Variants in NUAK2 observed in about 807,000 individuals in gnomAD.
NUAK2 encodes the protein NUAK family SNF1-like kinase 2.
A neutral mutation model predicts 29.8 loss-of-function variants in NUAK2; 20 were observed. The observed-to-expected ratio is 0.67, with a 90% CI of 0.47 to 0.98. NUAK2 has a LOEUF of 0.98. NUAK2 is among the 50% of genes least tolerant of loss of function. The probability of loss-of-function intolerance (pLI) is 0.00; values close to 1 mark genes in which losing one functional copy is unlikely to be tolerated. For missense variants in NUAK2, 719 were observed against 834.5 expected (o/e 0.86, Z 1.71); for synonymous variants, 331 against 342.6 (o/e 0.97, Z 0.37).
rs1662134677 is a variant in NUAK2 at position 205,304,012 on chromosome 1, A to G, written c.1325T>C (p.Leu442Pro). The change falls in exon 7 of 7, where the codon CTG becomes CCG. Residue 442 changes from leucine to proline, a missense_variant. Around this residue, in one of 3 missense-constraint regions of NUAK2, gnomAD observed 430 missense variants for 465.7 expected, o/e 0.92. Transcript: ENST00000367157. The surrounding 1 kb of genome is among the most constrained non-coding windows in gnomAD (Gnocchi z 6.5). ...IPASPGQAAPLLPKKGILKKP... is the reference protein window; with the variant it reads ...IPASPGQAAPPLPKKGILKKP... ...CTTGAGAATGCCCTTCTTGGGGAGC[A>G]GGGGGGCAGCCTGCCCTGGGCTCGC... The G allele has an allele frequency of 1.9e-6, 3 of 1,613,854 alleles. No homozygotes were observed. Among genetic ancestry groups the G allele is most frequent in the Non-Finnish European group, 8.5e-7 (1 of 1,179,882 alleles).
chr1:205,312,392 G>A (rs1160452177), intron 1 of NUAK2, among the ~76,000 whole-genome samples: 2 of 152,178 alleles, frequency 1.3e-5, no homozygotes, highest in Admixed American at 6.5e-5. Context: ...AAGTGGATTC[G>A]ACTACTGGCC....
At chr1:205,307,012 G>A (rs1175557995) in intron 4 of NUAK2, among the ~76,000 whole-genome samples, 1 of 152,160 alleles carries the variant, frequency 6.6e-6, no homozygotes, top group Non-Finnish European at 1.5e-5. Flanking sequence ...CAATAATGAG[G>A]GCAGAACAAA....
rs778382167 is a variant in NUAK2 at position 205,321,658 on chromosome 1, G to A, written c.-30C>T. ...AGCAGGAGGTGAGCAAGGGCGGCAG[G>A]GGAATCAGTAGGCTGTGCGGGGAGG... On this transcript the variant is annotated 5_prime_UTR_variant, in exon 1 of 7. Transcript: ENST00000367157. 1.3e-6 allele frequency: 2 copies of A among 1,583,052 alleles called. No individual in the cohort carries two copies. The highest frequency in any genetic ancestry group is 1.7e-6 in the Non-Finnish European group (2 of 1,165,558).
At chr1:205,316,792 T>C (rs1662334196) in intron 1 of NUAK2, among the ~76,000 whole-genome samples, 1 of 152,186 alleles carries the variant, frequency 6.6e-6, no homozygotes, top group African/African-American at 2.4e-5. Context: ...TTGAGCATAA[T>C]TTCTGATTCT....
chr1:205,304,481 C>A lies in NUAK2; in HGVS notation c.856G>T (p.Val286Leu). ...ACGLIRWLLMVNPTRRATLED... is the reference protein window; with the variant it reads ...ACGLIRWLLMLNPTRRATLED... ...AGGGTGGCCCGGCGGGTGGGGTTCA[C>A]CATCAACAGCCACCGGATCAGGCCA... is the stretch of plus-strand genomic sequence containing the variant. Residue 286 changes from valine (V) to leucine (L), a missense_variant, in exon 7 of 7, where the codon GTG becomes TTG. By Grantham distance (32) the Val-to-Leu change is conservative (BLOSUM62 1). Around this residue, in one of 3 missense-constraint regions of NUAK2, gnomAD observed 430 missense variants for 465.7 expected, o/e 0.92. Transcript: ENST00000367157. The surrounding 1 kb of genome is among the most constrained non-coding windows in gnomAD (Gnocchi z 6.5). 6.6e-7 allele frequency: 1 copy of A among 1,519,142 alleles called. No homozygotes were observed. The highest frequency in any genetic ancestry group is 1.3e-5 in the South Asian group (1 of 75,934). The allele number at this position is 1,519,142 out of a possible 1,614,324, so 94.1% of individuals were successfully genotyped here.
Position 205,306,258 on chromosome 1 carries a change from T to C in NUAK2, c.620A>G (p.Gln207Arg). The part of the protein sequence containing the change: ...SNLYHQGKFL[Q>R]TFCGSPLYAS... ...ATAGAGGGGGCTCCCACAGAATGTC[T>C]GCAGGAACTTGCCTTGATGGTAGAG... is the stretch of plus-strand genomic sequence containing the variant. Residue 207 changes from glutamine (Q) to arginine (R), a missense_variant, in exon 5 of 7, where the codon CAG becomes CGG. Gln to Arg is a conservative substitution (Grantham distance 43). Transcript: ENST00000367157. 6.2e-7 allele frequency: 1 copy of C among 1,614,018 alleles called. No individual in the cohort carries two copies. The highest frequency in any genetic ancestry group is 8.5e-7 in the Non-Finnish European group (1 of 1,179,946).
rs1433380471 is a variant in NUAK2 at position 205,321,389 on chromosome 1, C to G, written c.231+9G>C. On this transcript the variant is annotated intron_variant, in intron 1 of 6. Coordinates refer to ENST00000367157, the MANE Select transcript of NUAK2 (RefSeq NM_030952.3). Reference sequence around the variant, plus strand: ...CCCGCCCCGCGCCGCGAGAGGGAGCCGCACTCACCAGGCGCCCCGAGCTCT... The same window carrying G: ...CCCGCCCCGCGCCGCGAGAGGGAGCGGCACTCACCAGGCGCCCCGAGCTCT... The G allele has an allele frequency of 4.3e-6, 7 of 1,610,824 alleles. No homozygotes were observed. Among genetic ancestry groups the G allele is most frequent in the Non-Finnish European group, 5.9e-6 (7 of 1,178,440 alleles).
At position 205,321,361 on chromosome 1, in the gene NUAK2, G is replaced by A. The variant is rs3738747; in HGVS notation, c.231+37C>T. The A allele has an allele frequency of 6.4e-6, 10 of 1,567,806 alleles. No individual in the cohort carries two copies. In the East Asian group the frequency reaches 2.3e-4, roughly 36 times the overall value. ...CCGCTCCCTGCCGGCGGCCAAGCCG[G>A]AGCCCGCCCCGCGCCGCGAGAGGGA... On this transcript the variant is annotated intron_variant, in intron 1 of 6. Coordinates refer to ENST00000367157, the MANE Select transcript of NUAK2 (RefSeq NM_030952.3).
At chr1:205,316,988 C>T (rs2102259462) in intron 1 of NUAK2, among the ~76,000 whole-genome samples, 1 of 152,302 alleles carries the variant, frequency 6.6e-6, no homozygotes, top group Admixed American at 6.5e-5. Context: ...GGAGAAGCTT[C>T]CATCTCAGCC....
rs765807541 is a variant in NUAK2 at position 205,304,495 on chromosome 1, C to T, written c.842G>A (p.Arg281Gln). 34 of 1,514,462 alleles carry T rather than the reference C, an allele frequency of 2.2e-5. No homozygotes were observed. Among genetic ancestry groups the T allele is most frequent in the South Asian group, 1.5e-4 (11 of 75,178 alleles). The allele number at this position is 1,514,462 out of a possible 1,614,324, so 93.8% of individuals were successfully genotyped here. A position where few individuals can be genotyped will look rare whatever the true frequency, so the allele number is the denominator to read the frequency against. Reference sequence around the variant, plus strand: ...GGTGGGGTTCACCATCAACAGCCACCGGATCAGGCCACAGGCATCTGGAAG... The same window carrying T: ...GGTGGGGTTCACCATCAACAGCCACTGGATCAGGCCACAGGCATCTGGAAG... ...PKPSDACGLI[R>Q]WLLMVNPTRR... Residue 281 changes from arginine to glutamine, a missense_variant, in exon 7 of 7, where the codon CGG (arginine) becomes CAG (glutamine). Transcript: ENST00000367157. The surrounding 1 kb of genome is among the most constrained non-coding windows in gnomAD (Gnocchi z 6.5).
rs752932851 is a variant in NUAK2 at position 205,308,598 on chromosome 1, C to T, written c.487G>A (p.Val163Met). ...GTGCTCACCTGATGGCAATAGTGCA[C>T]GGCAGAGACGATCTGCCGGAAGAAA... is the stretch of plus-strand genomic sequence containing the variant. The part of the protein sequence containing the change: ...RHFFRQIVSA[V>M]HYCHQNRVVH... Residue 163 changes from valine (V) to methionine (M), a missense_variant, in exon 3 of 7, where the codon GTG becomes ATG. Physicochemically the swap from Val to Met is conservative, Grantham distance 21. This residue lies in a region of NUAK2 where 283 missense variants were observed against 345.6 expected (regional missense o/e 0.82). Coordinates refer to ENST00000367157, the MANE Select transcript of NUAK2 (RefSeq NM_030952.3). The surrounding 1 kb of genome is among the most constrained non-coding windows in gnomAD (Gnocchi z 4.1). 36 of 1,613,824 alleles carry T rather than the reference C, an allele frequency of 2.2e-5. No individual in the cohort carries two copies. Among genetic ancestry groups the T allele is most frequent in the East Asian group, 8.9e-5 (4 of 44,876 alleles).
At chr1:205,315,097 C>A (rs925295561) in intron 1 of NUAK2, among the ~76,000 whole-genome samples, 1 of 152,172 alleles carries the variant, frequency 6.6e-6, no homozygotes, top group African/African-American at 2.4e-5. Context: ...TAGGGACCCA[C>A]CAGGTATCCA....
chr1:205,310,128 C>T (rs1454924120), intron 2 of NUAK2, among the ~76,000 whole-genome samples: 1 of 152,218 alleles, frequency 6.6e-6, no homozygotes, highest in African/African-American at 2.4e-5. Flanking sequence ...GAGCCTTCTC[C>T]CTAGAGGAGT....
At position 205,308,777 on chromosome 1, in the gene NUAK2, C is replaced by A; in HGVS notation, c.353-45G>T. 1 of 1,601,886 alleles carries A rather than the reference C, an allele frequency of 6.2e-7. No individual in the cohort carries two copies. Among genetic ancestry groups the A allele is most frequent in the Non-Finnish European group, 8.5e-7 (1 of 1,172,406 alleles). On this transcript the variant is annotated intron_variant, in intron 2 of 6. Transcript: ENST00000367157. The surrounding 1 kb of genome is among the most constrained non-coding windows in gnomAD (Gnocchi z 4.1). ...GAACGTCAGGCCCTCCCAGAGTGCA[C>A]TGCTCTCCACTGGGGGTGACTCACT...
chr1:205,311,587 G>C, intron 2 of NUAK2, 118 bp downstream of exon 2: 1 of 1,330,738 alleles, frequency 7.5e-7, no homozygotes, highest in Non-Finnish European at 1.0e-6. Context: ...CTCTTCTCTA[G>C]AGCCTATATT....
chr1:205,306,156 A>G (rs780045565), intron 5 of NUAK2, 32 bp downstream of exon 5: 1 of 1,575,126 alleles, frequency 6.3e-7, no homozygotes, highest in South Asian at 1.2e-5. Context: ...TAAACATCTG[A>G]GGCAGGCTGG....
chr1:205,304,038 A>G lies in NUAK2; in HGVS notation c.1299T>C (p.Pro433=). 6.2e-7 allele frequency: 1 copy of G among 1,614,016 alleles called. No homozygotes were observed. Among genetic ancestry groups the G allele is most frequent in the Non-Finnish European group, 8.5e-7 (1 of 1,179,964 alleles). ...QEDPPELSPI[P]ASPGQAAPLL... ...GGGGGGCAGCCTGCCCTGGGCTCGC[A>G]GGGATTGGGCTGAGCTCCGGAGGGT... The change falls in exon 7 of 7, where the codon CCT becomes CCC. Residue 433 remains proline (P), a synonymous_variant. Transcript: ENST00000367157. The surrounding 1 kb of genome is among the most constrained non-coding windows in gnomAD (Gnocchi z 6.5).
At position 205,308,836 on chromosome 1, in the gene NUAK2, C is replaced by G. The variant is rs533542889; in HGVS notation, c.353-104G>C. 7.5e-7 allele frequency: 1 copy of G among 1,327,234 alleles called. No individual in the cohort carries two copies. The highest frequency in any genetic ancestry group is 1.4e-5 in the African/African-American group (1 of 69,194). 82.2% of individuals were successfully genotyped at this position (1,327,234 alleles called of 1,614,324 possible). ...ACCCCAGGCCCCAAACCAGACAGGA[C>G]CCCCCTCCAGGAATATCTGCTAATG... On this transcript the variant is annotated intron_variant, in intron 2 of 6. Coordinates refer to ENST00000367157, the MANE Select transcript of NUAK2 (RefSeq NM_030952.3). The surrounding 1 kb of genome is among the most constrained non-coding windows in gnomAD (Gnocchi z 4.1).
chr1:205,309,745 A>T (rs1313244606), intron 2 of NUAK2, among the ~76,000 whole-genome samples: 1 of 152,210 alleles, frequency 6.6e-6, no homozygotes, highest in Non-Finnish European at 1.5e-5. Flanking sequence ...CATGAACTAT[A>T]AAGCACCAGG....
Sources: gnomAD v4.1 joint callset for allele counts (sites outside exome capture counted in the v4.1 genomes callset) on GRCh38, gnomAD v4.1.1 for gene constraint, gnomAD v4.1.1 regional missense constraint, Gnocchi (gnomAD v3.1) non-coding constraint, MANE v1.5 for transcripts, NCBI Gene and HGNC (gene_info 2026-07-23, HGNC 2026-07-21) for gene names.